Variants in PRKCH observed in about 807,000 individuals in gnomAD.
The protein encoded by PRKCH is protein kinase C eta, also known as protein kinase C eta type.
PRKCH carries 28 observed loss-of-function variants against 82.5 expected under a neutral mutation model. The ratio of observed to expected loss-of-function variants is 0.34; its 90% CI spans 0.25 to 0.47. PRKCH has a LOEUF of 0.47. Among genes scored for constraint, PRKCH ranks in the 20% least tolerant of loss-of-function variants. The probability of loss-of-function intolerance (pLI) is 1.00; values close to 1 mark genes in which losing one functional copy is unlikely to be tolerated. For missense variants in PRKCH, 705 were observed against 881.8 expected (o/e 0.80, Z 2.54); for synonymous variants, 322 against 327.4 (o/e 0.98, Z 0.18).
chr14:61,270,542 T>G (rs547853203), intron 1 of PRKCH, among the ~76,000 whole-genome samples: 20 of 152,186 alleles, frequency 1.3e-4, no homozygotes, highest in Non-Finnish European at 2.9e-4. Flanking sequence ...GTCATTTTTG[T>G]TTTTCAACTT....
intron 2 of PRKCH, among the ~76,000 whole-genome samples, chr14:61,416,112 G>A (rs775628364): frequency 1.9e-4 from 25 of 129,516 alleles, no homozygotes; most frequent in Non-Finnish European, 1.1e-4. Context: ...TGGTGCAGTG[G>A]CATGATCTTG....
intron 2 of PRKCH, among the ~76,000 whole-genome samples, chr14:61,407,135 G>A (rs1340682018): frequency 6.6e-6 from 1 of 152,174 alleles, no homozygotes; most frequent in African/African-American, 2.4e-5. Context: ...TTAGAGTAGG[G>A]ACTGATTTAA....
intron 10 of PRKCH, among the ~76,000 whole-genome samples, chr14:61,517,033 T>G (rs914099956): frequency 1.3e-5 from 2 of 152,164 alleles, no homozygotes; most frequent in African/African-American, 4.8e-5. Context: ...CTAATGGGGA[T>G]AGCAGGGAAC....
At chr14:61,338,032 T>G (rs1026911696) in intron 1 of PRKCH, among the ~76,000 whole-genome samples, 20 of 152,182 alleles carry the variant, frequency 1.3e-4, no homozygotes, top group Admixed American at 1.2e-3. Flanking sequence ...ATCCTGTACC[T>G]GGGTTGTGGT....
intron 3 of PRKCH, among the ~76,000 whole-genome samples, chr14:61,444,248 A>G (rs907307071): frequency 6.6e-6 from 1 of 152,198 alleles, no homozygotes; most frequent in Admixed American, 6.5e-5. Flanking sequence ...CATTTATTGT[A>G]TTTAGGGAAA....
intron 10 of PRKCH, among the ~76,000 whole-genome samples, chr14:61,490,721 G>A (rs372304412): frequency 1.1e-4 from 16 of 152,240 alleles, no homozygotes; most frequent in African/African-American, 2.4e-4. Flanking sequence ...CAAGACCAGC[G>A]TAGGCAACAT....
In PRKCH at chr14:61,280,998, G is replaced by T; in HGVS notation, c.-19+93330G>T. On this transcript the variant is annotated intron_variant, in intron 1 of 3. Transcript: ENST00000555185. The surrounding 1 kb of genome is among the most constrained non-coding windows in gnomAD (Gnocchi z 5.0). ...CGTTGGAGGAGTAGTAGAGGCCCAG[G>T]CCCAGGCCGATGAAGGCCAGGCCCG... 6.5e-7 allele frequency: 1 copy of T among 1,540,424 alleles called. No homozygotes were observed.
intron 10 of PRKCH, among the ~76,000 whole-genome samples, chr14:61,510,905 G>A (rs149311755): frequency 0.014 from 2,076 of 152,242 alleles, 26 homozygotes; most frequent in South Asian, 0.024. Flanking sequence ...GGTACCATAT[G>A]GTGTGGCAGG....
intron 10 of PRKCH, among the ~76,000 whole-genome samples, chr14:61,524,633 A>G (rs972357073): frequency 6.6e-6 from 1 of 152,210 alleles, no homozygotes; most frequent in Non-Finnish European, 1.5e-5. Flanking sequence ...TTGCTTTAAA[A>G]AAAATAAAGG....
rs577958070 is a variant in PRKCH at position 61,508,687 on chromosome 14, G to A, written c.1434-20388G>A. Among the ~76,000 whole-genome samples the A allele has an allele frequency of 3.3e-5, 5 of 152,252 alleles. No individual in the cohort carries two copies. The South Asian group carries it at 1.0e-3, about 32-fold the overall frequency. On this transcript the variant is annotated intron_variant, in intron 10 of 13. Transcript: ENST00000332981. ...GTCATTTCTTTCCCAGAAATTGGGG[G>A]ATCTGGTCTCAGATAAGAGGAGTGG...
chr14:61,281,047 A>C, intron 1 of PRKCH: 1 of 1,525,682 alleles, frequency 6.6e-7, no homozygotes. Context: ...CGGCAGCGCG[A>C]TGCTGGCCGA....
intron 1 of PRKCH, among the ~76,000 whole-genome samples, chr14:61,342,490 A>G (rs562797342): frequency 7.4e-4 from 112 of 152,232 alleles, no homozygotes; most frequent in African/African-American, 2.6e-3. Context: ...CTAATGATTG[A>G]CTTGGTTCGG....
At chr14:61,209,925 A>G (rs2044556365) in intron 1 of PRKCH, among the ~76,000 whole-genome samples, 1 of 151,538 alleles carries the variant, frequency 6.6e-6, no homozygotes, top group African/African-American at 2.4e-5. Flanking sequence ...TTTCTGAGTT[A>G]GTTCACTGCA....
At chr14:61,305,764 A>G (rs1045128192) in intron 1 of PRKCH, 8 of 152,176 alleles carry the variant, frequency 5.3e-5, no homozygotes, top group African/African-American at 1.9e-4. Flanking sequence ...CCTTACATAT[A>G]TTTATAATAG....
chr14:61,245,657 T>TACAGTGGTCAGCCTC lies in PRKCH; in HGVS notation c.-19+57990_-19+58004dup, dbSNP rs61053849. Among the ~76,000 whole-genome samples the TACAGTGGTCAGCCTC allele has an allele frequency of 7.3e-4, 111 of 151,566 alleles. 1 individual carries two copies. The highest frequency in any genetic ancestry group is 2.5e-3 in the African/African-American group (102 of 41,256). On this transcript the variant is annotated intron_variant, in intron 1 of 3. Coordinates refer to the PRKCH transcript ENST00000555185. ...GTAAAGGAAGCCGGTGGGGCAGCCT[T>TACAGTGGTCAGCCTC]ACAGTGGTCAGCCTCCTAAGGCACA...
At chr14:61,387,041 T>A (rs1042287610) in intron 1 of PRKCH, among the ~76,000 whole-genome samples, 1 of 152,210 alleles carries the variant, frequency 6.6e-6, no homozygotes, top group African/African-American at 2.4e-5. Context: ...TTTGTTGGCT[T>A]CATTCTGTAG....
At chr14:61,420,769 A>G (rs80193191) in intron 2 of PRKCH, among the ~76,000 whole-genome samples, 1,889 of 152,276 alleles carry the variant, frequency 0.012, 44 homozygotes, top group African/African-American at 0.043. Context: ...ACTCACTTCC[A>G]AAAATGTTTC....
intron 9 of PRKCH, among the ~76,000 whole-genome samples, chr14:61,481,518 G>A (rs1263071314): frequency 6.6e-6 from 1 of 152,184 alleles, no homozygotes; most frequent in African/African-American, 2.4e-5. Flanking sequence ...CTCTCAAACA[G>A]CCTCACAACT....
intron 1 of PRKCH, among the ~76,000 whole-genome samples, chr14:61,367,696 G>C (rs2046313857): frequency 6.7e-6 from 1 of 150,088 alleles, no homozygotes; most frequent in South Asian, 2.1e-4. Context: ...TGCTCCCCAG[G>C]CTCTTAATCT....
Sources: allele counts gnomAD v4.1 joint callset (sites outside exome capture counted in the v4.1 genomes callset), GRCh38; gene constraint gnomAD v4.1.1; non-coding constraint Gnocchi (gnomAD v3.1); transcripts MANE v1.5; gene names NCBI Gene and HGNC (gene_info 2026-07-23, HGNC 2026-07-21).